Variants in CACYBP observed in about 807,000 individuals in gnomAD.
CACYBP encodes the protein calcyclin binding protein.
A neutral mutation model predicts 29.6 loss-of-function variants in CACYBP; 11 were observed. That is an observed-to-expected ratio of 0.37 (90% confidence interval 0.23 to 0.61). The LOEUF is 0.61. Among genes scored for constraint, CACYBP ranks in the 20% least tolerant of loss-of-function variants. The probability of loss-of-function intolerance (pLI) is 0.65; values close to 1 mark genes in which losing one functional copy is unlikely to be tolerated. For missense variants in CACYBP, 163 were observed against 260.7 expected, an observed-to-expected ratio of 0.63 and a Z score of 2.58; for synonymous variants, 73 against 88.3, an observed-to-expected ratio of 0.83 and a Z score of 0.97.
At position 175,000,305 on chromosome 1, in the gene CACYBP, C is replaced by G; in HGVS notation, c.15+110C>G. 17 of 1,504,826 alleles carry G rather than the reference C, an allele frequency of 1.1e-5. 1 individual carries two copies. In the South Asian group the frequency reaches 2.0e-4, roughly 18 times the overall value. 93.2% of individuals were successfully genotyped at this position (1,504,826 alleles called of 1,614,324 possible). A position where few individuals can be genotyped will look rare whatever the true frequency, so the allele number is the denominator to read the frequency against. On this transcript the variant is annotated intron_variant, in intron 1 of 5. Coordinates refer to ENST00000367679, the MANE Select transcript of CACYBP (RefSeq NM_014412.3). ...TGAGCCGCCCTGCGGCCACCCGGTCCCGCGCCAGTCAGTGCGCCGCCTTCC... is the reference window on the plus strand; with the variant it reads ...TGAGCCGCCCTGCGGCCACCCGGTCGCGCGCCAGTCAGTGCGCCGCCTTCC...
At chr1:175,008,240 C>T (rs925505891) in intron 4 of CACYBP, among the ~76,000 whole-genome samples, 4 of 152,152 alleles carry the variant, frequency 2.6e-5, no homozygotes, top group African/African-American at 9.7e-5. Flanking sequence ...TCCTCAAACA[C>T]ACCAAGATGA....
chr1:175,005,165 C>G, intron 2 of CACYBP: 1 of 330,470 alleles, frequency 3.0e-6, no homozygotes, highest in Non-Finnish European at 5.8e-6. Flanking sequence ...CCAACCACCA[C>G]AATTAACTGA....
At position 175,011,793 on chromosome 1, in the gene CACYBP, A is replaced by AAGTT. The variant is rs1292678413; in HGVS notation, c.*1716_*1719dup. The AAGTT allele has an allele frequency of 1.3e-5, 2 of 152,248 alleles. No individual in the cohort carries two copies. Among genetic ancestry groups the AAGTT allele is most frequent in the African/African-American group, 4.8e-5 (2 of 41,460 alleles). The allele number at this position is 152,248 out of a possible 1,614,324, so 9.4% of individuals were successfully genotyped here. ...ACACATATATGGGAATGGAATGCAA[A>AAGTT]AGTTAAACTTTGGTTAACAAGAATA... On this transcript the variant is annotated 3_prime_UTR_variant, in exon 6 of 6. Transcript: ENST00000367679.
intron 1 of CACYBP, among the ~76,000 whole-genome samples, chr1:175,003,020 C>G (rs1349466873): frequency 1.3e-5 from 2 of 151,714 alleles, no homozygotes; most frequent in Non-Finnish European, 2.9e-5. Context: ...CATTTTGGTT[C>G]TATGCTCAAA....
At position 175,007,210 on chromosome 1, in the gene CACYBP, T is replaced by C. The variant is rs748510976; in HGVS notation, c.432+13T>C. ...CAGTTCAAAAAAAGTGAGTGTGCTT[T>C]TTTTGATTGTAATATTGTGAAACCT... On this transcript the variant is annotated intron_variant, in intron 4 of 5. Transcript: ENST00000367679. 2 of 1,496,828 alleles carry C rather than the reference T, an allele frequency of 1.3e-6. No homozygotes were observed. The highest frequency in any genetic ancestry group is 2.8e-5 in the African/African-American group (2 of 72,382). The allele number at this position is 1,496,828 out of a possible 1,614,324, so 92.7% of individuals were successfully genotyped here.
chr1:175,006,976 A>C, intron 3 of CACYBP, 122 bp from the exon 4 acceptor site: 2 of 833,412 alleles, frequency 2.4e-6, no homozygotes, highest in Non-Finnish European at 2.0e-6. Context: ...TGAAGAGGTG[A>C]GCGTTAACTG....
Position 175,010,912 on chromosome 1 carries a change from C to CTTTA in CACYBP, c.*837_*840dup, listed in dbSNP as rs918615770. 1.3e-5 allele frequency: 2 copies of CTTTA among 152,020 alleles called. No homozygotes were observed. The highest frequency in any genetic ancestry group is 4.8e-5 in the African/African-American group (2 of 41,360). 9.4% of individuals were successfully genotyped at this position (152,020 alleles called of 1,614,324 possible). ...GGACCAGTGCCTGTGATCTCCATTA[C>CTTTA]TTTATTTTCCTGGAGGTATTAGCCA... is the stretch of plus-strand genomic sequence containing the variant. On this transcript the variant is annotated 3_prime_UTR_variant, in exon 6 of 6. Coordinates refer to ENST00000367679, the MANE Select transcript of CACYBP (RefSeq NM_014412.3).
At position 175,008,983 on chromosome 1, in the gene CACYBP, G is replaced by GT; in HGVS notation, c.530+278dup. On this transcript the variant is annotated intron_variant, in intron 5 of 5. Transcript: ENST00000367679. Reference sequence around the variant, plus strand: ...GTTTGAGAGGGGCTTAGGTACCCCTGTATGTTTTAAATTTCTCAGATGCTT... The same window carrying GT: ...GTTTGAGAGGGGCTTAGGTACCCCTGTTATGTTTTAAATTTCTCAGATGCTT... 4 of 284,746 alleles carry GT rather than the reference G, an allele frequency of 1.4e-5. No individual in the cohort carries two copies. In the South Asian group the frequency reaches 3.2e-4, roughly 23 times the overall value. 17.6% of individuals were successfully genotyped at this position (284,746 alleles called of 1,614,324 possible).
Position 175,007,047 on chromosome 1 carries a change from G to T in CACYBP, c.333-51G>T, listed in dbSNP as rs1316316651. On this transcript the variant is annotated intron_variant, in intron 3 of 5. Coordinates refer to ENST00000367679, the MANE Select transcript of CACYBP (RefSeq NM_014412.3). ...TTTTCCCACAAGAACTATGGAGTAAGGGTACCTTTCATAGAACTAGAAAGA... is the reference window on the plus strand; with the variant it reads ...TTTTCCCACAAGAACTATGGAGTAATGGTACCTTTCATAGAACTAGAAAGA... The T allele has an allele frequency of 2.4e-6, 3 of 1,269,760 alleles. No homozygotes were observed. In the Admixed American group the frequency reaches 5.4e-5, roughly 23 times the overall value. The allele number at this position is 1,269,760 out of a possible 1,614,324, so 78.7% of individuals were successfully genotyped here.
At position 175,010,785 on chromosome 1, in the gene CACYBP, TAA is replaced by T. The variant is rs1169312161; in HGVS notation, c.*707_*708del. ...CGTCTATTCCTATGCTCAATAAAGT[TAA>T]GTTTTTCTTCATTAGAACAGTTTTA... On this transcript the variant is annotated 3_prime_UTR_variant, in exon 6 of 6. Transcript: ENST00000367679. The T allele has an allele frequency of 6.6e-6, 1 of 152,158 alleles. No homozygotes were observed. The highest frequency in any genetic ancestry group is 1.9e-4 in the East Asian group (1 of 5,200). The allele number at this position is 152,158 out of a possible 1,614,324, so 9.4% of individuals were successfully genotyped here. A position where few individuals can be genotyped will look rare whatever the true frequency, so the allele number is the denominator to read the frequency against.
chr1:175,004,884 C>A, intron 2 of CACYBP, 51 bp downstream of exon 2: 1 of 1,146,850 alleles, frequency 8.7e-7, no homozygotes, highest in Non-Finnish European at 1.3e-6. Context: ...ACCTATTCCT[C>A]ATAGTGGTCT....
rs1558328081 is a variant in CACYBP at position 175,011,762 on chromosome 1, A to G, written c.*1683A>G. ...TGTATTGAGTTGAGGCTGTGGAGAA[A>G]TAAGGACACATATATGGGAATGGAA... On this transcript the variant is annotated 3_prime_UTR_variant, in exon 6 of 6. Transcript: ENST00000367679. 6.6e-6 allele frequency: 1 copy of G among 152,192 alleles called. No individual in the cohort carries two copies. Among genetic ancestry groups the G allele is most frequent in the Non-Finnish European group, 1.5e-5 (1 of 68,014 alleles). The allele number at this position is 152,192 out of a possible 1,614,324, so 9.4% of individuals were successfully genotyped here. A position where few individuals can be genotyped will look rare whatever the true frequency, so the allele number is the denominator to read the frequency against.
At chr1:175,005,101 TTGGTGGTGG>T (rs199946453) in intron 2 of CACYBP, 228 of 423,428 alleles carry the variant, frequency 5.4e-4, no homozygotes, top group African/African-American at 3.8e-3. Context: ...AGACACAGCT[TTGGTGGTGG>T]TGGTGGTGGT....
chr1:175,000,120 G>A lies in CACYBP; in HGVS notation c.-61G>A. The A allele has an allele frequency of 6.4e-7, 1 of 1,570,424 alleles. No individual in the cohort carries two copies. The highest frequency in any genetic ancestry group is 8.6e-7 in the Non-Finnish European group (1 of 1,157,152). ...GCGCTCGGTTTGAGGGCTCGGCGCG[G>A]GGTTTCCTGTTCCTCCTTCTGCGCG... On this transcript the variant is annotated 5_prime_UTR_variant, in exon 1 of 6. Transcript: ENST00000367679.
At chr1:175,009,643 CA>C (rs67446162) in intron 5 of CACYBP, among the ~76,000 whole-genome samples, 29,178 of 100,036 alleles carry the variant, frequency 0.29, 3,071 homozygotes, top group East Asian at 0.36. Context: ...AGGACTGTCT[CA>C]AAAAAAAAAA....
chr1:175,011,291 G>A lies in CACYBP; in HGVS notation c.*1212G>A, dbSNP rs938385803. 1.3e-5 allele frequency: 2 copies of A among 152,076 alleles called. No homozygotes were observed. Among genetic ancestry groups the A allele is most frequent in the African/African-American group, 4.8e-5 (2 of 41,382 alleles). 9.4% of individuals were successfully genotyped at this position (152,076 alleles called of 1,614,324 possible). ...ACATTATGCCTCTGTAATTGGGGTT[G>A]ACACATGAACAGAATAGCAGACACA... On this transcript the variant is annotated 3_prime_UTR_variant, in exon 6 of 6. Coordinates refer to ENST00000367679, the MANE Select transcript of CACYBP (RefSeq NM_014412.3).
In CACYBP at chr1:174,999,988, C is replaced by T. The variant is rs377745745; in HGVS notation, c.-193C>T. On this transcript the variant is annotated 5_prime_UTR_variant, in exon 1 of 6. Transcript: ENST00000367679. Reference sequence around the variant, plus strand: ...TCGCGGTGGGCGGTGGCGGCGGCTGCCTCGCGAAGGTTCGAGATCCGTCGC... The same window carrying T: ...TCGCGGTGGGCGGTGGCGGCGGCTGTCTCGCGAAGGTTCGAGATCCGTCGC... 224 of 749,518 alleles carry T rather than the reference C, an allele frequency of 3.0e-4. 2 individuals are homozygous for T. In the African/African-American group the frequency reaches 3.4e-3, roughly 11 times the overall value. The allele number at this position is 749,518 out of a possible 1,614,324, so 46.4% of individuals were successfully genotyped here.
At chr1:175,001,436 A>G (rs1371916166) in intron 1 of CACYBP, among the ~76,000 whole-genome samples, 5 of 152,128 alleles carry the variant, frequency 3.3e-5, no homozygotes, top group African/African-American at 4.8e-5. Flanking sequence ...GTTTCAGGAC[A>G]TTTTCATCAC....
intron 4 of CACYBP, among the ~76,000 whole-genome samples, 182 bp from the exon 5 acceptor site, chr1:175,008,427 T>C (rs1488457611): frequency 6.6e-6 from 1 of 152,222 alleles, no homozygotes; most frequent in Non-Finnish European, 1.5e-5. Flanking sequence ...GTTTTACTTA[T>C]TTATGGTCTT....
Sources: gnomAD v4.1 joint callset for allele counts (sites outside exome capture counted in the v4.1 genomes callset) on GRCh38, gnomAD v4.1.1 for gene constraint, MANE v1.5 for transcripts, NCBI Gene and HGNC (gene_info 2026-07-23, HGNC 2026-07-21) for gene names.